The following SLC9A9 variants were observed in gnomAD, a reference collection of about 807,000 sequenced individuals.
SLC9A9 encodes the protein sodium/hydrogen exchanger 9.
Under a neutral mutation model 77.8 loss-of-function variants are expected in SLC9A9, and 62 were observed. The ratio of observed to expected loss-of-function variants is 0.80; its 90% CI spans 0.65 to 0.98. The LOEUF (loss-of-function observed/expected upper bound fraction) is 0.98, where lower values mean the gene tolerates loss of function less well. Among genes scored for constraint, SLC9A9 ranks in the 50% least tolerant of loss-of-function variants. SLC9A9 has a pLI of 0.00. For missense variants in SLC9A9, 775 were observed against 774.9 expected (o/e 1.00, Z 0.00); for synonymous variants, 320 against 283.5 (o/e 1.13, Z -1.29).
intron 12 of SLC9A9, among the ~76,000 whole-genome samples, chr3:143,391,292 G>C (rs1187040304): frequency 6.6e-6 from 1 of 152,218 alleles, no homozygotes; most frequent in Non-Finnish European, 1.5e-5. Flanking sequence ...TTGCTGTTCA[G>C]CAATATTTGC....
intron 5 of SLC9A9, among the ~76,000 whole-genome samples, chr3:143,688,942 A>AAAT (rs1553780129): frequency 1.3e-5 from 2 of 151,052 alleles, no homozygotes; most frequent in Non-Finnish European, 3.0e-5. Context: ...AAATAGAAAA[A>AAAT]ATATATATAT....
At chr3:143,621,518 C>A (rs1456296689) in intron 6 of SLC9A9, among the ~76,000 whole-genome samples, 1 of 152,168 alleles carries the variant, frequency 6.6e-6, no homozygotes, top group Non-Finnish European at 1.5e-5. Flanking sequence ...CTGGAGTGGA[C>A]CTCCAGCAAA....
intron 4 of SLC9A9, among the ~76,000 whole-genome samples, chr3:143,775,757 G>T (rs1357122100): frequency 6.6e-6 from 1 of 152,202 alleles, no homozygotes; most frequent in Non-Finnish European, 1.5e-5. Flanking sequence ...GGGTGTGCTT[G>T]ACTCTGAAAT....
At chr3:143,589,221 T>G (rs558990552) in intron 6 of SLC9A9, among the ~76,000 whole-genome samples, 2 of 152,350 alleles carry the variant, frequency 1.3e-5, no homozygotes, top group South Asian at 4.1e-4. Flanking sequence ...ATTATCTTCT[T>G]TAACCCTCAA....
At chr3:143,555,140 C>T (rs2036958131) in intron 8 of SLC9A9, among the ~76,000 whole-genome samples, 1 of 152,168 alleles carries the variant, frequency 6.6e-6, no homozygotes, top group Non-Finnish European at 1.5e-5. Flanking sequence ...TTCCCTCATA[C>T]TGTTCTCTTG....
intron 2 of SLC9A9, among the ~76,000 whole-genome samples, chr3:143,817,114 C>CT (rs1448083490): frequency 6.7e-6 from 1 of 149,520 alleles, no homozygotes; most frequent in Non-Finnish European, 1.5e-5. Context: ...TTGATGGTGT[C>CT]TTTTTCATGC....
At chr3:143,733,358 G>T (rs1934856193) in intron 4 of SLC9A9, among the ~76,000 whole-genome samples, 1 of 152,130 alleles carries the variant, frequency 6.6e-6, no homozygotes, top group Non-Finnish European at 1.5e-5. Context: ...AAGAAATGGG[G>T]GTAGGAGGAG....
At chr3:143,809,115 T>G (rs2008798707) in intron 2 of SLC9A9, among the ~76,000 whole-genome samples, 1 of 152,224 alleles carries the variant, frequency 6.6e-6, no homozygotes, top group Non-Finnish European at 1.5e-5. Flanking sequence ...AGCATAGAGA[T>G]GTATTTCTGA....
intron 2 of SLC9A9, among the ~76,000 whole-genome samples, chr3:143,821,609 G>A (rs1333746907): frequency 6.6e-6 from 1 of 152,198 alleles, no homozygotes; most frequent in African/African-American, 2.4e-5. Context: ...AGGTAAGCCT[G>A]TATTTAGTGA....
chr3:143,451,065 C>T (rs1660477), intron 12 of SLC9A9, among the ~76,000 whole-genome samples: 72,745 of 151,734 alleles, frequency 0.48, 17,978 homozygotes, highest in African/African-American at 0.59. Flanking sequence ...AAGAAGAAAA[C>T]CATTGGAGAT....
chr3:143,587,579 C>G (rs2037564741), intron 6 of SLC9A9, among the ~76,000 whole-genome samples: 1 of 152,222 alleles, frequency 6.6e-6, no homozygotes, highest in African/African-American at 2.4e-5. Context: ...TGGAGTCAGG[C>G]TGGAGCCGGG....
At chr3:143,510,224 T>C (rs1242660551) in intron 9 of SLC9A9, among the ~76,000 whole-genome samples, 1 of 152,218 alleles carries the variant, frequency 6.6e-6, no homozygotes, top group Non-Finnish European at 1.5e-5. Context: ...ACAGACAGAT[T>C]CTTATATTTG....
intron 6 of SLC9A9, among the ~76,000 whole-genome samples, chr3:143,585,756 C>T (rs1339483456): frequency 6.6e-6 from 1 of 152,212 alleles, no homozygotes; most frequent in African/African-American, 2.4e-5. Flanking sequence ...ACTCTCAAGG[C>T]ACATCAAACC....
intron 14 of SLC9A9, among the ~76,000 whole-genome samples, chr3:143,297,885 C>A (rs906296558): frequency 1.5e-4 from 23 of 152,054 alleles, no homozygotes; most frequent in African/African-American, 5.6e-4. Context: ...GATGTATGTG[C>A]CTGGAAAAAG....
At chr3:143,791,257 G>A (rs1380089753) in intron 4 of SLC9A9, among the ~76,000 whole-genome samples, 1 of 152,154 alleles carries the variant, frequency 6.6e-6, no homozygotes, top group Non-Finnish European at 1.5e-5. Flanking sequence ...TTGCCAGAAG[G>A]AATATTGTTA....
At chr3:143,399,229 C>A (rs2033797095) in intron 12 of SLC9A9, among the ~76,000 whole-genome samples, 1 of 152,112 alleles carries the variant, frequency 6.6e-6, no homozygotes, top group African/African-American at 2.4e-5. Flanking sequence ...GAAGCTGCTA[C>A]TGCATGACAC....
chr3:143,433,414 A>C (rs2034563762), intron 12 of SLC9A9, among the ~76,000 whole-genome samples: 1 of 152,196 alleles, frequency 6.6e-6, no homozygotes, highest in African/African-American at 2.4e-5. Flanking sequence ...TGTAACTGAT[A>C]AGCACTTCAG....
chr3:143,370,586 C>CACACACACACAA (rs2033036454), intron 13 of SLC9A9, among the ~76,000 whole-genome samples: 1 of 151,824 alleles, frequency 6.6e-6, no homozygotes, highest in Non-Finnish European at 1.5e-5. Flanking sequence ...CACACACACA[C>CACACACACACAA]ACACACACAC....
At chr3:143,560,649 T>C (rs190077165) in intron 8 of SLC9A9, among the ~76,000 whole-genome samples, 1 of 151,822 alleles carries the variant, frequency 6.6e-6, no homozygotes, top group African/African-American at 2.4e-5. Context: ...ATCCCAACAA[T>C]ATTGGAATGT....
Sources: gnomAD v4.1 joint callset for allele counts (sites outside exome capture counted in the v4.1 genomes callset) on GRCh38, gnomAD v4.1.1 for gene constraint, MANE v1.5 for transcripts, NCBI Gene and HGNC (gene_info 2026-07-23, HGNC 2026-07-21) for gene names.